UHRF2: variants seen among roughly 807,000 people sequenced by gnomAD.
The protein encoded by UHRF2 is E3 ubiquitin-protein ligase UHRF2.
Under a neutral mutation model 96.8 loss-of-function variants are expected in UHRF2, and 23 were observed. The ratio of observed to expected loss-of-function variants is 0.24; its 90% CI spans 0.17 to 0.34. UHRF2 has a LOEUF of 0.34. Among genes scored for constraint, UHRF2 ranks in the 10% least tolerant of loss-of-function variants. The probability of loss-of-function intolerance (pLI) is 1.00; values close to 1 mark genes in which losing one functional copy is unlikely to be tolerated. For synonymous variants in UHRF2, 385 were observed against 332.6 expected, an observed-to-expected ratio of 1.16 and a Z score of -1.72; for missense variants, 685 against 981.5, an observed-to-expected ratio of 0.70 and a Z score of 4.04.
intron 1 of UHRF2, among the ~76,000 whole-genome samples, chr9:6,417,171 C>G (rs182523645): frequency 6.6e-6 from 1 of 152,148 alleles, no homozygotes; most frequent in Non-Finnish European, 1.5e-5. Flanking sequence ...TCAGCCACTT[C>G]CACTTGGCAT....
chr9:6,428,541 T>TTGG (rs1820387396), intron 2 of UHRF2, among the ~76,000 whole-genome samples: 2 of 7,524 alleles, frequency 2.7e-4, no homozygotes, highest in Middle Eastern at 0.033. Context: ...TGCTTTTTTT[T>TTGG]TTTTTTTTTT....
At chr9:6,416,633 T>G (rs909229013) in intron 1 of UHRF2, among the ~76,000 whole-genome samples, 20 of 146,020 alleles carry the variant, frequency 1.4e-4, no homozygotes, top group African/African-American at 5.1e-4. Flanking sequence ...AGCTCCGCCT[T>G]CCGGGTTCAC....
intron 3 of UHRF2, among the ~76,000 whole-genome samples, chr9:6,445,998 T>TTC (rs1821473222): frequency 1.5e-5 from 2 of 129,870 alleles, no homozygotes; most frequent in East Asian, 2.6e-4. Flanking sequence ...TTTTTTTTTT[T>TTC]TTCCTGTTTT....
rs1436158605 is a variant in UHRF2, at chr9:6,497,705, CATCATAGTA to C, written c.1768-310_1768-302del. The stretch of plus-strand genomic sequence containing the variant: ...GTTGTAATAGATTTTCAAAGCAGCA[CATCATAGTA>C]ATAGATTTTCATTCTTTGTTTAAAA... On this transcript the variant is annotated intron_variant, in intron 11 of 15. Coordinates refer to ENST00000276893, the MANE Select transcript of UHRF2 (RefSeq NM_152896.3). Among the ~76,000 whole-genome samples, 5 of 152,046 alleles carry C rather than the reference CATCATAGTA, an allele frequency of 3.3e-5. No homozygotes were observed. The South Asian group carries it at 8.3e-4, about 25-fold the overall frequency.
At chr9:6,430,124 C>T (rs183034523) in intron 2 of UHRF2, among the ~76,000 whole-genome samples, 65 of 152,318 alleles carry the variant, frequency 4.3e-4, no homozygotes, top group Non-Finnish European at 8.1e-4. Context: ...GATTGTCCTG[C>T]CTCAGCCTCC....
intron 4 of UHRF2, among the ~76,000 whole-genome samples, chr9:6,470,465 C>T (rs911598638): frequency 3.3e-5 from 5 of 151,744 alleles, no homozygotes; most frequent in Admixed American, 6.6e-5. Flanking sequence ...TGAAAGAATT[C>T]ACCATCAACA....
At chr9:6,453,899 C>T (rs188706884) in intron 3 of UHRF2, among the ~76,000 whole-genome samples, 8 of 151,646 alleles carry the variant, frequency 5.3e-5, no homozygotes, top group Admixed American at 4.6e-4. Flanking sequence ...AGTAAGACTC[C>T]GTCTCAAAAA....
At chr9:6,437,815 A>AC (rs1820939403) in intron 3 of UHRF2, among the ~76,000 whole-genome samples, 1 of 151,982 alleles carries the variant, frequency 6.6e-6, no homozygotes, top group African/African-American at 2.4e-5. Context: ...ACTGGGTTTC[A>AC]CCACGTTGGC....
chr9:6,484,178 A>G (rs1824104540), intron 8 of UHRF2, among the ~76,000 whole-genome samples: 1 of 151,122 alleles, frequency 6.6e-6, no homozygotes, highest in Admixed American at 6.6e-5. Context: ...TCAAGTGATC[A>G]TTCCACCTAG....
chr9:6,491,181 G>A (rs1274270006), intron 9 of UHRF2, among the ~76,000 whole-genome samples: 1 of 152,222 alleles, frequency 6.6e-6, no homozygotes, highest in East Asian at 1.9e-4. Flanking sequence ...GTTGTCTTGA[G>A]AAGTAGTTTG....
chr9:6,417,475 CT>C (rs1819675214), intron 1 of UHRF2, among the ~76,000 whole-genome samples: 1 of 152,192 alleles, frequency 6.6e-6, no homozygotes, highest in Non-Finnish European at 1.5e-5. Flanking sequence ...TCAGAGATAA[CT>C]TTCAATCTTC....
chr9:6,468,497 C>T, intron 4 of UHRF2: 1 of 456,046 alleles, frequency 2.2e-6, no homozygotes, highest in Non-Finnish European at 4.4e-6. Context: ...TCTCATAAGG[C>T]AGGTAGCTTT....
chr9:6,496,566 C>G (rs550285034), intron 10 of UHRF2: 2 of 152,286 alleles, frequency 1.3e-5, no homozygotes, highest in East Asian at 1.9e-4. Context: ...GTAGTGATCT[C>G]AAGCAGCCAG....
chr9:6,430,380 CT>C (rs1433606099), intron 2 of UHRF2, among the ~76,000 whole-genome samples: 4 of 151,788 alleles, frequency 2.6e-5, no homozygotes, highest in Admixed American at 1.3e-4. Context: ...TTGGCTTAAA[CT>C]TTTTTTTAGC....
chr9:6,480,834 T>G (rs1431710979), intron 6 of UHRF2, among the ~76,000 whole-genome samples: 1 of 152,204 alleles, frequency 6.6e-6, no homozygotes, highest in African/African-American at 2.4e-5. Context: ...TTTTCTCTCC[T>G]ATAGTGCTCA....
rs554779953 is a variant in UHRF2, at chr9:6,455,813, G to C, written c.645-4760G>C. ...CAGCTGGGCAACATGGTGAGACCCT[G>C]TCTCCACAAAAAGTTTTAAAACTAG... On this transcript the variant is annotated intron_variant, in intron 3 of 15. Coordinates refer to ENST00000276893, the MANE Select transcript of UHRF2 (RefSeq NM_152896.3). Among the ~76,000 whole-genome samples, 146 of 152,056 alleles carry C rather than the reference G, an allele frequency of 9.6e-4. 1 individual carries two copies. The highest frequency in any genetic ancestry group is 3.4e-3 in the African/African-American group (141 of 41,502).
At chr9:6,456,778 A>G (rs1465995053) in intron 3 of UHRF2, among the ~76,000 whole-genome samples, 3 of 152,220 alleles carry the variant, frequency 2.0e-5, no homozygotes, top group Non-Finnish European at 2.9e-5. Context: ...AACACCATTT[A>G]TTAAATAGGG....
At chr9:6,443,460 A>G (rs968555086) in intron 3 of UHRF2, among the ~76,000 whole-genome samples, 1 of 152,196 alleles carries the variant, frequency 6.6e-6, no homozygotes, top group African/African-American at 2.4e-5. Flanking sequence ...GCTTGCAACT[A>G]CTCTACCATA....
chr9:6,462,616 G>C (rs1822613212), intron 4 of UHRF2, among the ~76,000 whole-genome samples: 1 of 152,078 alleles, frequency 6.6e-6, no homozygotes, highest in Non-Finnish European at 1.5e-5. Context: ...AAAAAAGCTT[G>C]CTATTAAAAA....
Sources: allele counts gnomAD v4.1 joint callset (sites outside exome capture counted in the v4.1 genomes callset), GRCh38; gene constraint gnomAD v4.1.1; transcripts MANE v1.5; gene names NCBI Gene and HGNC (gene_info 2026-07-23, HGNC 2026-07-21).